The following PDE11A variants were observed in gnomAD, a reference collection of about 807,000 sequenced individuals.
PDE11A encodes the protein dual 3',5'-cyclic-AMP and -GMP phosphodiesterase 11A.
A neutral mutation model predicts 100.5 loss-of-function variants in PDE11A; 100 were observed. That is an observed-to-expected ratio of 1.00 (90% confidence interval 0.85 to 1.18). The LOEUF (loss-of-function observed/expected upper bound fraction) is 1.18. Ranked by LOEUF, PDE11A falls within the 50% of genes most tolerant of loss-of-function variation. The pLI is 0.00. For missense variants in PDE11A, 1,141 were observed against 1,152.6 expected, an observed-to-expected ratio of 0.99 and a Z score of 0.15; for synonymous variants, 381 against 420.8, an observed-to-expected ratio of 0.91 and a Z score of 1.16.
chr2:177,938,901 G>C (rs184246426), intron 2 of PDE11A, among the ~76,000 whole-genome samples: 1 of 152,294 alleles, frequency 6.6e-6, no homozygotes, highest in African/African-American at 2.4e-5. Context: ...TAGAAGAAGA[G>C]AAGATTAGGA....
intron 15 of PDE11A, among the ~76,000 whole-genome samples, chr2:177,693,237 G>A (rs2081067233): frequency 6.6e-6 from 1 of 152,146 alleles, no homozygotes; most frequent in African/African-American, 2.4e-5. Context: ...CTTCACACAT[G>A]ACTTCATGTG....
rs562539254 is a variant in PDE11A at position 178,099,001 on chromosome 2, G to T, written c.162+5301C>A. On this transcript the variant is annotated intron_variant, in intron 2 of 20. Transcript: ENST00000358450. ...TAGCATAGAATCCTGGAAAAATCATGAATTAATTCAAACAATTTGTTTCTA... is the reference window on the plus strand; with the variant it reads ...TAGCATAGAATCCTGGAAAAATCATTAATTAATTCAAACAATTTGTTTCTA... Among the ~76,000 whole-genome samples, 300 of 152,274 alleles carry T rather than the reference G, an allele frequency of 2.0e-3. 1 individual carries two copies. The highest frequency in any genetic ancestry group is 0.01 in the Middle Eastern group (3 of 294).
chr2:177,679,385 A>G (rs2080827093), intron 16 of PDE11A, among the ~76,000 whole-genome samples: 1 of 152,206 alleles, frequency 6.6e-6, no homozygotes, highest in South Asian at 2.1e-4. Flanking sequence ...TTATGTTAAA[A>G]TAGACAATCA....
chr2:177,676,357 T>C (rs1426928296), intron 16 of PDE11A, among the ~76,000 whole-genome samples: 3 of 152,178 alleles, frequency 2.0e-5, no homozygotes, highest in Non-Finnish European at 2.9e-5. Context: ...AAAAGTAACA[T>C]AGGATTTGAG....
intron 10 of PDE11A, among the ~76,000 whole-genome samples, chr2:177,755,109 C>A (rs1312625789): frequency 6.6e-6 from 1 of 152,118 alleles, no homozygotes; most frequent in Admixed American, 6.5e-5. Context: ...TCTGAGATGA[C>A]CTGATGGGCT....
intron 2 of PDE11A, among the ~76,000 whole-genome samples, chr2:178,089,368 A>G (rs2087394301): frequency 6.6e-6 from 1 of 152,228 alleles, no homozygotes; most frequent in South Asian, 2.1e-4. Flanking sequence ...GAGCTCAACT[A>G]TAAATACAAC....
At position 177,697,378 on chromosome 2, in the gene PDE11A, G is replaced by C; in HGVS notation, c.2299C>G (p.Leu767Val). The change falls in exon 15 of 20, where the codon CTT becomes GTT. Residue 767 changes from leucine (L) to valine (V), a missense_variant. Physicochemically the swap from Leu to Val is conservative, Grantham distance 32 (BLOSUM62 1). Coordinates refer to ENST00000286063, the MANE Select transcript of PDE11A (RefSeq NM_016953.4). ...SSKEYSDLMQ[L>V]LKQSILATDL... ...GTTGCCAATATTGACTGCTTCAAAA[G>C]CTGCATAAGGTCACTATATTCCTTG... 6.2e-7 allele frequency: 1 copy of C among 1,602,478 alleles called. No individual in the cohort carries two copies. Among genetic ancestry groups the C allele is most frequent in the Middle Eastern group, 1.7e-4 (1 of 6,034 alleles).
intron 6 of PDE11A, among the ~76,000 whole-genome samples, chr2:177,832,585 C>G (rs999236806): frequency 6.6e-6 from 1 of 151,918 alleles, no homozygotes; most frequent in Non-Finnish European, 1.5e-5. Flanking sequence ...ATCTATCTAT[C>G]TATCTATCTA....
At chr2:178,039,864 A>T (rs114614190) in intron 1 of PDE11A, among the ~76,000 whole-genome samples, 126 of 152,190 alleles carry the variant, frequency 8.3e-4, no homozygotes, top group African/African-American at 2.1e-3. Context: ...ATGTAGAATG[A>T]TTCCATTTAT....
At chr2:177,742,672 T>C (rs2081890692) in intron 10 of PDE11A, among the ~76,000 whole-genome samples, 2 of 152,196 alleles carry the variant, frequency 1.3e-5, no homozygotes, top group Admixed American at 1.3e-4. Context: ...TTGTACCAGC[T>C]AGAGAGTCCA....
chr2:177,956,752 C>A (rs1406781987), intron 2 of PDE11A, among the ~76,000 whole-genome samples: 2 of 152,192 alleles, frequency 1.3e-5, no homozygotes, highest in African/African-American at 2.4e-5. Flanking sequence ...GAGTTCATGT[C>A]TTTTGTAGGG....
At chr2:177,689,558 G>A (rs985814142) in intron 15 of PDE11A, among the ~76,000 whole-genome samples, 4 of 152,086 alleles carry the variant, frequency 2.6e-5, no homozygotes, top group African/African-American at 9.7e-5. Flanking sequence ...GACTTTCTTT[G>A]CATACAAACA....
intron 2 of PDE11A, among the ~76,000 whole-genome samples, chr2:177,912,075 G>C (rs1169629954): frequency 6.6e-6 from 1 of 152,120 alleles, no homozygotes; most frequent in African/African-American, 2.4e-5. Context: ...ACAAGATAAT[G>C]GATCAGAGAT....
chr2:177,652,763 AT>A, intron 19 of PDE11A, among the ~76,000 whole-genome samples: 1 of 152,282 alleles, frequency 6.6e-6, no homozygotes, highest in East Asian at 1.9e-4. Flanking sequence ...TACCCCAGGC[AT>A]TTTGGCCTTG....
intron 1 of PDE11A, among the ~76,000 whole-genome samples, chr2:178,041,443 C>T (rs2086682031): frequency 6.6e-6 from 1 of 151,574 alleles, no homozygotes; most frequent in African/African-American, 2.4e-5. Context: ...GGGGTTTAAC[C>T]ATAGTGGTCA....
At chr2:177,651,499 G>A (rs1182302937) in intron 19 of PDE11A, among the ~76,000 whole-genome samples, 2 of 152,190 alleles carry the variant, frequency 1.3e-5, no homozygotes, top group African/African-American at 2.4e-5. Flanking sequence ...AGCCAGTGGT[G>A]ATCACCATAA....
intron 6 of PDE11A, 82 bp downstream of exon 6, chr2:177,840,169 A>C: frequency 1.5e-6 from 2 of 1,372,476 alleles, no homozygotes; most frequent in Non-Finnish European, 2.1e-6. Flanking sequence ...AATTGCTGGT[A>C]AGTATTCCTT....
chr2:177,819,227 A>G (rs1226393240), intron 7 of PDE11A, among the ~76,000 whole-genome samples: 1 of 152,086 alleles, frequency 6.6e-6, no homozygotes, highest in African/African-American at 2.4e-5. Context: ...TCAGTAACAT[A>G]CCAATATTCT....
intron 1 of PDE11A, among the ~76,000 whole-genome samples, chr2:178,048,380 G>T (rs1006895512): frequency 1.3e-5 from 2 of 152,116 alleles, no homozygotes; most frequent in Non-Finnish European, 2.9e-5. Flanking sequence ...TCAATGTTCC[G>T]TGTATAACAA....
Sources: gnomAD v4.1 joint callset for allele counts (sites outside exome capture counted in the v4.1 genomes callset) on GRCh38, gnomAD v4.1.1 for gene constraint, MANE v1.5 for transcripts, NCBI Gene and HGNC (gene_info 2026-07-23, HGNC 2026-07-21) for gene names.